Variants in TMTC2 observed in about 807,000 individuals in gnomAD.
The protein encoded by TMTC2 is protein O-mannosyl-transferase TMTC2.
In TMTC2, 43 loss-of-function variants were observed where a neutral mutation model predicts 82.4. The observed-to-expected ratio is 0.52, with a 90% confidence interval of 0.41 to 0.67. TMTC2 has a LOEUF of 0.67. Among genes scored for constraint, TMTC2 ranks in the 30% least tolerant of loss-of-function variants. TMTC2 has a pLI of 0.00. For missense variants in TMTC2, 919 were observed against 1,012.4 expected, an observed-to-expected ratio of 0.91 and a Z score of 1.25; for synonymous variants, 408 against 381.9, an observed-to-expected ratio of 1.07 and a Z score of -0.80.
chr12:83,021,535 C>T (rs145545340), intron 8 of TMTC2, among the ~76,000 whole-genome samples: 13 of 152,186 alleles, frequency 8.5e-5, no homozygotes, highest in Admixed American at 2.6e-4. Context: ...TTTAAGGTTG[C>T]AGTGAGCTAT....
chr12:82,758,999 T>C (rs948388745), intron 1 of TMTC2: 3 of 152,148 alleles, frequency 2.0e-5, no homozygotes, highest in Non-Finnish European at 2.9e-5. Flanking sequence ...CATATGACCT[T>C]AATTTCCGAG....
At chr12:82,989,643 C>T (rs1879317182) in intron 8 of TMTC2, among the ~76,000 whole-genome samples, 1 of 151,520 alleles carries the variant, frequency 6.6e-6, no homozygotes, top group Non-Finnish European at 1.5e-5. Context: ...GACCATGGCA[C>T]TCGATATAGA....
intron 4 of TMTC2, among the ~76,000 whole-genome samples, chr12:82,933,831 A>G (rs1202574691): frequency 3.1e-5 from 4 of 130,026 alleles, no homozygotes; most frequent in African/African-American, 6.0e-5. Context: ...TGGAAAATAT[A>G]AAGTAAGCAA....
At chr12:82,763,805 C>T (rs774405489) in intron 1 of TMTC2, among the ~76,000 whole-genome samples, 59 of 152,124 alleles carry the variant, frequency 3.9e-4, no homozygotes, top group Non-Finnish European at 7.9e-4. Flanking sequence ...TAGATAAATT[C>T]GCAGAAACCC....
intron 2 of TMTC2, among the ~76,000 whole-genome samples, chr12:82,866,253 A>AAAAAAAAAAAC (rs1871852823): frequency 6.6e-6 from 1 of 151,416 alleles, no homozygotes; most frequent in African/African-American, 2.4e-5. Context: ...TCAAAAAAAA[A>AAAAAAAAAAAC]AAAAAAAAAA....
intron 1 of TMTC2, among the ~76,000 whole-genome samples, chr12:82,806,278 CAATT>C (rs1248900781): frequency 2.0e-5 from 3 of 152,142 alleles, no homozygotes; most frequent in Admixed American, 6.5e-5. Context: ...AAAAATGGCT[CAATT>C]AGTCACACAA....
At chr12:82,743,141 T>G (rs1875505252) in intron 1 of TMTC2, among the ~76,000 whole-genome samples, 1 of 152,034 alleles carries the variant, frequency 6.6e-6, no homozygotes, top group Admixed American at 6.6e-5. Flanking sequence ...TTATGAAGAT[T>G]TAAATGAAAA....
chr12:82,944,427 A>G (rs1035499440), intron 4 of TMTC2, among the ~76,000 whole-genome samples: 2 of 152,056 alleles, frequency 1.3e-5, no homozygotes, highest in African/African-American at 2.4e-5. Context: ...TACTAAAAAT[A>G]CAAAAAATTA....
chr12:83,134,715 A>G lies in TMTC2; in HGVS notation c.*2326A>G, dbSNP rs1306309147. The G allele has an allele frequency of 6.6e-6, 1 of 152,248 alleles. No individual in the cohort carries two copies. The highest frequency in any genetic ancestry group is 6.5e-5 in the Admixed American group (1 of 15,288). The allele number at this position is 152,248 out of a possible 1,614,324, so 9.4% of individuals were successfully genotyped here. On this transcript the variant is annotated 3_prime_UTR_variant, in exon 12 of 12. Coordinates refer to ENST00000321196, the MANE Select transcript of TMTC2 (RefSeq NM_152588.3). Reference sequence around the variant, plus strand: ...AGACAGTGCTAAAAATATAGAGCACAAGACAAGTTTACTAAATTAAAATTT... The same window carrying G: ...AGACAGTGCTAAAAATATAGAGCACGAGACAAGTTTACTAAATTAAAATTT...
intron 1 of TMTC2, among the ~76,000 whole-genome samples, chr12:82,831,916 A>G (rs1869770035): frequency 6.6e-6 from 1 of 152,186 alleles, no homozygotes; most frequent in African/African-American, 2.4e-5. Context: ...GATGAGGCCG[A>G]AAAATGTGCT....
intron 2 of TMTC2, among the ~76,000 whole-genome samples, chr12:82,891,456 G>A (rs1873390998): frequency 1.3e-5 from 2 of 152,128 alleles, no homozygotes; most frequent in East Asian, 3.9e-4. Context: ...TTACAGGCAT[G>A]CGCCACCACG....
intron 1 of TMTC2, among the ~76,000 whole-genome samples, chr12:82,849,538 A>T (rs887614237): frequency 2.0e-5 from 3 of 152,144 alleles, no homozygotes; most frequent in African/African-American, 7.2e-5. Flanking sequence ...GCTGTCATGT[A>T]CAACCTTAAT....
At position 82,951,458 on chromosome 12, in the gene TMTC2, TTTG is replaced by T. The variant is rs200086171; in HGVS notation, c.1599-13554_1599-13552del. On this transcript the variant is annotated intron_variant, in intron 4 of 11. Transcript: ENST00000321196. ...GGCACATGCCGCCACGCCCAGCTATTTTGTTGTTGTTGTTTTGTTTTCTTTTTT... is the reference window on the plus strand; with the variant it reads ...GGCACATGCCGCCACGCCCAGCTATTTTGTTGTTGTTTTGTTTTCTTTTTT... Among the ~76,000 whole-genome samples, 1,402 of 152,062 alleles carry T rather than the reference TTTG, an allele frequency of 9.2e-3. 20 individuals carry two copies. The highest frequency in any genetic ancestry group is 0.032 in the African/African-American group (1,328 of 41,480).
intron 1 of TMTC2, among the ~76,000 whole-genome samples, chr12:82,843,719 G>A (rs1455135472): frequency 1.3e-5 from 2 of 151,970 alleles, no homozygotes; most frequent in South Asian, 2.1e-4. Flanking sequence ...AGTCCGGGGC[G>A]GGTGGATCAC....
intron 2 of TMTC2, among the ~76,000 whole-genome samples, chr12:82,870,548 C>A (rs147118547): frequency 6.6e-6 from 1 of 152,190 alleles, no homozygotes; most frequent in Non-Finnish European, 1.5e-5. Context: ...TCTTTCAATT[C>A]TACACAGCAC....
intron 11 of TMTC2, among the ~76,000 whole-genome samples, chr12:83,114,976 G>A (rs1177819462): frequency 6.6e-6 from 1 of 151,840 alleles, no homozygotes; most frequent in Admixed American, 6.6e-5. Context: ...GTCTCTGCTT[G>A]TATCTTCCAT....
At chr12:82,962,097 A>T (rs1877966916) in intron 4 of TMTC2, among the ~76,000 whole-genome samples, 1 of 152,178 alleles carries the variant, frequency 6.6e-6, no homozygotes, top group South Asian at 2.1e-4. Flanking sequence ...TAAGGCAGGC[A>T]GAACAGGGTT....
At chr12:82,763,557 G>T (rs1439538269) in intron 1 of TMTC2, among the ~76,000 whole-genome samples, 1 of 152,118 alleles carries the variant, frequency 6.6e-6, no homozygotes, top group African/African-American at 2.4e-5. Context: ...TGAAGAACTT[G>T]ATAATAAAAG....
chr12:82,722,932 G>A (rs548077719), intron 1 of TMTC2, among the ~76,000 whole-genome samples: 25 of 152,306 alleles, frequency 1.6e-4, no homozygotes, highest in Admixed American at 5.9e-4. Flanking sequence ...AAACAAAGTG[G>A]ATTTCAACCT....
Sources: allele counts gnomAD v4.1 joint callset (sites outside exome capture counted in the v4.1 genomes callset), GRCh38; gene constraint gnomAD v4.1.1; transcripts MANE v1.5; gene names NCBI Gene and HGNC (gene_info 2026-07-23, HGNC 2026-07-21).